The following SPAG16 variants were observed in gnomAD, a reference collection of about 807,000 sequenced individuals.
SPAG16 encodes the protein sperm-associated antigen 16 protein.
SPAG16 carries 86 observed loss-of-function variants against 80.4 expected under a neutral mutation model. The ratio of observed to expected loss-of-function variants is 1.07; its 90% CI spans 0.90 to 1.28. SPAG16 has a LOEUF of 1.28. Among genes scored for constraint, SPAG16 ranks in the 50% most tolerant of loss-of-function variants. The pLI is 0.00. For missense variants in SPAG16, 870 were observed against 765.3 expected, an observed-to-expected ratio of 1.14 and a Z score of -1.61; for synonymous variants, 294 against 265.9, an observed-to-expected ratio of 1.11 and a Z score of -1.03.
intron 10 of SPAG16, among the ~76,000 whole-genome samples, chr2:213,674,707 C>G (rs1182269294): frequency 2.7e-5 from 4 of 150,196 alleles, no homozygotes; most frequent in Non-Finnish European, 4.4e-5. Flanking sequence ...CTACAAAGGA[C>G]GTGAACTCAT....
At position 214,190,481 on chromosome 2, in the gene SPAG16, A is replaced by G. The variant is rs563942512; in HGVS notation, c.1720+41215A>G. ...ATAAATTTAAATGGCTACAAAGACT[A>G]TTATATACCCTTGTATACAATTGAT... On this transcript the variant is annotated intron_variant, in intron 15 of 15. Coordinates refer to ENST00000331683, the MANE Select transcript of SPAG16 (RefSeq NM_024532.5). Among the ~76,000 whole-genome samples, 7 of 152,284 alleles carry G rather than the reference A, an allele frequency of 4.6e-5. No homozygotes were observed. The South Asian group carries it at 1.5e-3, about 32-fold the overall frequency.
In SPAG16 at chr2:213,838,180, C is replaced by A. The variant is rs186953932; in HGVS notation, c.1071-24305C>A. ...AGAGTTTTGTCCTTATCTCTGATTT[C>A]TTTTTTTTTGAGACAGAGCCTCAGT... On this transcript the variant is annotated intron_variant, in intron 10 of 15. Coordinates refer to ENST00000331683, the MANE Select transcript of SPAG16 (RefSeq NM_024532.5). Among the ~76,000 whole-genome samples, 76 of 151,132 alleles carry A rather than the reference C, an allele frequency of 5.0e-4. 1 individual carries two copies. In the East Asian group the frequency reaches 0.011, roughly 23 times the overall value.
chr2:213,453,162 T>C (rs2071802456), intron 9 of SPAG16, among the ~76,000 whole-genome samples: 1 of 152,246 alleles, frequency 6.6e-6, no homozygotes, highest in South Asian at 2.1e-4. Flanking sequence ...ATTGTAATAA[T>C]ACACTTATCA....
chr2:213,963,257 G>A (rs1015032654), intron 12 of SPAG16, among the ~76,000 whole-genome samples: 2 of 151,696 alleles, frequency 1.3e-5, no homozygotes, highest in Non-Finnish European at 2.9e-5. Flanking sequence ...TTATCTCAGA[G>A]TATGTGCTAA....
chr2:214,234,917 G>T (rs1174531173), intron 15 of SPAG16, among the ~76,000 whole-genome samples: 3 of 151,966 alleles, frequency 2.0e-5, no homozygotes, highest in Non-Finnish European at 1.5e-5. Flanking sequence ...TCCCTTTTAT[G>T]AATTGGTGTC....
intron 12 of SPAG16, among the ~76,000 whole-genome samples, chr2:213,986,961 T>A (rs1249011707): frequency 3.3e-5 from 5 of 151,242 alleles, no homozygotes; most frequent in Non-Finnish European, 7.4e-5. Flanking sequence ...AAGTTTATAT[T>A]TTATGTTAAA....
At chr2:213,791,676 TA>T (rs1341154691) in intron 10 of SPAG16, among the ~76,000 whole-genome samples, 1 of 152,058 alleles carries the variant, frequency 6.6e-6, no homozygotes, top group African/African-American at 2.4e-5. Context: ...ATACTTCAAA[TA>T]AAAAAGTATT....
chr2:213,309,352 G>T (rs2063087237), intron 3 of SPAG16, among the ~76,000 whole-genome samples: 1 of 152,066 alleles, frequency 6.6e-6, no homozygotes, highest in Admixed American at 6.6e-5. Flanking sequence ...TTGATAGACT[G>T]ACTGACTTCC....
chr2:213,479,093 CCTTTTTT>C (rs1174553106), intron 9 of SPAG16, among the ~76,000 whole-genome samples: 1 of 115,654 alleles, frequency 8.6e-6, no homozygotes, highest in African/African-American at 3.8e-5. Context: ...ACACTGGCTT[CCTTTTTT>C]TTTTTTTTTT....
intron 13 of SPAG16, among the ~76,000 whole-genome samples, chr2:214,087,273 A>G (rs1206118749): frequency 6.6e-6 from 1 of 152,184 alleles, no homozygotes; most frequent in Non-Finnish European, 1.5e-5. Flanking sequence ...AAATGTACAG[A>G]CACACATATA....
At chr2:213,904,600 CAAAAA>C (rs34952255) in intron 11 of SPAG16, among the ~76,000 whole-genome samples, 7 of 89,460 alleles carry the variant, frequency 7.8e-5, no homozygotes, top group Admixed American at 1.4e-4. Context: ...ATAAATTTTG[CAAAAA>C]AAAAAAAAAA....
intron 10 of SPAG16, among the ~76,000 whole-genome samples, chr2:213,540,332 G>C (rs574494069): frequency 6.6e-6 from 1 of 152,112 alleles, no homozygotes; most frequent in African/African-American, 2.4e-5. Context: ...TTACAGGCAT[G>C]AGCCACCATG....
intron 5 of SPAG16, among the ~76,000 whole-genome samples, chr2:213,335,398 C>T (rs1056669918): frequency 6.6e-6 from 1 of 152,084 alleles, no homozygotes; most frequent in Non-Finnish European, 1.5e-5. Context: ...GTATATGTAA[C>T]TGTTACACTA....
chr2:213,750,254 A>T (rs1036924805), intron 10 of SPAG16, among the ~76,000 whole-genome samples: 8 of 152,220 alleles, frequency 5.3e-5, no homozygotes, highest in Non-Finnish European at 1.2e-4. Context: ...CCTTAACAAG[A>T]TTAGTAATGC....
intron 11 of SPAG16, among the ~76,000 whole-genome samples, chr2:213,873,770 A>G (rs2105996636): frequency 6.6e-6 from 1 of 151,918 alleles, no homozygotes; most frequent in East Asian, 1.9e-4. Flanking sequence ...GTGCTGTTCC[A>G]TTTCCATATA....
intron 1 of SPAG16, among the ~76,000 whole-genome samples, chr2:213,288,634 A>G (rs1320606668): frequency 2.7e-5 from 4 of 150,842 alleles, no homozygotes; most frequent in African/African-American, 4.9e-5. Context: ...AATTTACTGT[A>G]TGGTTTTTAA....
chr2:214,346,651 C>A (rs368562570), intron 15 of SPAG16, among the ~76,000 whole-genome samples: 12 of 152,288 alleles, frequency 7.9e-5, no homozygotes, highest in African/African-American at 2.9e-4. Context: ...AGCCACATTG[C>A]TCACTGGAAA....
intron 10 of SPAG16, among the ~76,000 whole-genome samples, chr2:213,715,592 T>G (rs1324731363): frequency 6.6e-6 from 1 of 152,150 alleles, no homozygotes; most frequent in Non-Finnish European, 1.5e-5. Context: ...ATACATTGAG[T>G]GAATTACGTG....
At chr2:214,230,318 T>G (rs1349464034) in intron 15 of SPAG16, among the ~76,000 whole-genome samples, 1 of 151,940 alleles carries the variant, frequency 6.6e-6, no homozygotes, top group African/African-American at 2.4e-5. Context: ...TAACCCTTTG[T>G]GAGTCCACAA....
Sources: gnomAD v4.1 joint callset for allele counts (sites outside exome capture counted in the v4.1 genomes callset) on GRCh38, gnomAD v4.1.1 for gene constraint, MANE v1.5 for transcripts, NCBI Gene and HGNC (gene_info 2026-07-23, HGNC 2026-07-21) for gene names.